NELL2: variants seen among roughly 807,000 people sequenced by gnomAD.
NELL2 encodes the protein neural EGFL like 2.
In NELL2, 41 loss-of-function variants were observed where a neutral mutation model predicts 109.6. The ratio of observed to expected loss-of-function variants is 0.37; its 90% CI spans 0.29 to 0.49. The LOEUF is 0.49. Ranked by LOEUF, NELL2 falls within the 20% of genes least tolerant of loss-of-function variation. The probability of loss-of-function intolerance (pLI) is 0.98; values close to 1 mark genes in which losing one functional copy is unlikely to be tolerated. For synonymous variants in NELL2, 355 were observed against 344.7 expected (o/e 1.03, Z -0.33); for missense variants, 900 against 1,008.3 (o/e 0.89, Z 1.45).
At chr12:44,609,563 C>T (rs1035579551) in intron 14 of NELL2, among the ~76,000 whole-genome samples, 1 of 152,202 alleles carries the variant, frequency 6.6e-6, no homozygotes, top group Non-Finnish European at 1.5e-5. Flanking sequence ...AACTGCTGTA[C>T]TATACTTTAC....
intron 3 of NELL2, among the ~76,000 whole-genome samples, chr12:44,814,810 C>T (rs1276001220): frequency 6.6e-6 from 1 of 152,184 alleles, no homozygotes; most frequent in Non-Finnish European, 1.5e-5. Flanking sequence ...GATTTTCTTA[C>T]GTTTGCTCTT....
At chr12:44,776,760 AAAAT>A (rs1003278614) in intron 7 of NELL2, among the ~76,000 whole-genome samples, 2 of 152,214 alleles carry the variant, frequency 1.3e-5, no homozygotes, top group Non-Finnish European at 2.9e-5. Context: ...AAACTGAATA[AAAAT>A]AAATAATAAT....
chr12:44,837,670 T>C (rs898398577), intron 2 of NELL2, among the ~76,000 whole-genome samples: 6 of 152,128 alleles, frequency 3.9e-5, no homozygotes, highest in Non-Finnish European at 7.4e-5. Flanking sequence ...CCAAACACTA[T>C]AGAAGAATTC....
intron 19 of NELL2, among the ~76,000 whole-genome samples, chr12:44,517,725 A>T (rs1241601054): frequency 1.3e-5 from 2 of 152,144 alleles, no homozygotes; most frequent in Non-Finnish European, 2.9e-5. Flanking sequence ...ACTGACTAGC[A>T]TATTGAACAA....
upstream of NELL2, among the ~76,000 whole-genome samples, chr12:44,918,940 C>T (rs1157424268): frequency 6.6e-6 from 1 of 152,152 alleles, no homozygotes. Context: ...AGGATATGAT[C>T]ACATGACCCT....
chr12:44,547,053 T>C (rs1436757938), intron 15 of NELL2, among the ~76,000 whole-genome samples: 3 of 152,104 alleles, frequency 2.0e-5, no homozygotes, highest in African/African-American at 7.2e-5. Flanking sequence ...AGACATGATA[T>C]GGGGTACCTA....
At chr12:44,542,697 C>A (rs1942631735) in intron 15 of NELL2, among the ~76,000 whole-genome samples, 1 of 152,172 alleles carries the variant, frequency 6.6e-6, no homozygotes, top group Non-Finnish European at 1.5e-5. Context: ...CTCTCCACCA[C>A]ATCCTCAGGT....
intron 2 of NELL2, among the ~76,000 whole-genome samples, chr12:44,862,732 A>C (rs913856976): frequency 2.6e-5 from 4 of 152,210 alleles, no homozygotes; most frequent in Non-Finnish European, 4.4e-5. Flanking sequence ...TAAAAAACAC[A>C]GTGCACAAAA....
At chr12:44,912,564 A>C (rs1945791744) in intron 1 of NELL2, among the ~76,000 whole-genome samples, 1 of 152,086 alleles carries the variant, frequency 6.6e-6, no homozygotes, top group African/African-American at 2.4e-5. Context: ...ATTCTGGAAA[A>C]TGCTACTGGA....
chr12:44,539,554 A>G (rs1292829266), intron 15 of NELL2, among the ~76,000 whole-genome samples: 3 of 152,092 alleles, frequency 2.0e-5, no homozygotes, highest in African/African-American at 7.2e-5. Context: ...ATGTTTTATT[A>G]CTTTATCTTT....
intron 15 of NELL2, among the ~76,000 whole-genome samples, chr12:44,590,214 T>C (rs1008247986): frequency 6.6e-6 from 1 of 151,758 alleles, no homozygotes; most frequent in Admixed American, 6.6e-5. Flanking sequence ...TTATACTTAG[T>C]ATATATATAT....
chr12:44,607,118 T>C (rs376596958), intron 15 of NELL2, 51 bp downstream of exon 15: 4 of 1,475,520 alleles, frequency 2.7e-6, no homozygotes, highest in Admixed American at 3.7e-5. Flanking sequence ...TGGATTACTT[T>C]ATGCATTGGC....
At chr12:44,851,915 C>T (rs1340022220) in intron 2 of NELL2, 2 of 152,054 alleles carry the variant, frequency 1.3e-5, no homozygotes, top group Non-Finnish European at 2.9e-5. Context: ...ACCTACAATG[C>T]CATAAGAACA....
intron 2 of NELL2, among the ~76,000 whole-genome samples, chr12:44,823,156 T>G (rs1159670768): frequency 6.6e-6 from 1 of 152,200 alleles, no homozygotes; most frequent in Non-Finnish European, 1.5e-5. Flanking sequence ...ATATTTAATG[T>G]GTACAATGTG....
At chr12:44,532,114 T>G (rs1942090558) in intron 16 of NELL2, among the ~76,000 whole-genome samples, 1 of 152,134 alleles carries the variant, frequency 6.6e-6, no homozygotes, top group Non-Finnish European at 1.5e-5. Context: ...TCACTAAACA[T>G]CTCTTACTTT....
rs1180129986 is a variant in NELL2, at chr12:44,644,608, GTATATATATATA to G, written c.1444+20864_1444+20875del. Among the ~76,000 whole-genome samples, 6 of 90,832 alleles carry G rather than the reference GTATATATATATA, an allele frequency of 6.6e-5. 1 individual carries two copies. Among genetic ancestry groups the G allele is most frequent in the Non-Finnish European group, 1.0e-4 (5 of 49,840 alleles). The allele number at this position is 90,832 out of a possible 152,430, so 59.6% of individuals were successfully genotyped here. ...TATATATATATATATATATATGTAT[GTATATATATATA>G]TATATACATACATATATATATATAT... On this transcript the variant is annotated intron_variant, in intron 13 of 19. Coordinates refer to ENST00000429094, the MANE Select transcript of NELL2 (RefSeq NM_001145108.2).
chr12:44,663,908 T>A (rs1592291235), intron 13 of NELL2, among the ~76,000 whole-genome samples: 1 of 152,178 alleles, frequency 6.6e-6, no homozygotes, highest in East Asian at 1.9e-4. Flanking sequence ...ACAAAGAGAA[T>A]CATTAGGAAA....
intron 2 of NELL2, among the ~76,000 whole-genome samples, chr12:44,823,553 G>A (rs1013978030): frequency 6.6e-6 from 1 of 152,136 alleles, no homozygotes; most frequent in African/African-American, 2.4e-5. Context: ...CCATGTTGCT[G>A]CAAAAGATAT....
intron 3 of NELL2, among the ~76,000 whole-genome samples, chr12:44,804,306 A>G (rs1209147173): frequency 1.3e-5 from 2 of 151,932 alleles, no homozygotes; most frequent in Admixed American, 1.3e-4. Flanking sequence ...GGCAAACATG[A>G]ATGACTTTTA....
Sources: allele counts gnomAD v4.1 joint callset (sites outside exome capture counted in the v4.1 genomes callset), GRCh38; gene constraint gnomAD v4.1.1; transcripts MANE v1.5; gene names NCBI Gene and HGNC (gene_info 2026-07-23, HGNC 2026-07-21).